The following NIN variants were observed in gnomAD, a reference collection of about 807,000 sequenced individuals.
NIN encodes the protein ninein, also known as glycogen synthase kinase 3 beta-interacting protein.
In NIN, 137 loss-of-function variants were observed where a neutral mutation model predicts 257.6. The ratio of observed to expected loss-of-function variants is 0.53; its 90% CI spans 0.46 to 0.61. NIN has a LOEUF of 0.61. Ranked by LOEUF, NIN falls within the 20% of genes least tolerant of loss-of-function variation. The probability of loss-of-function intolerance (pLI) is 0.00; values close to 1 mark genes in which losing one functional copy is unlikely to be tolerated. For synonymous variants in NIN, 918 were observed against 919.8 expected (o/e 1.00, Z 0.04); for missense variants, 2,439 against 2,501.2 (o/e 0.98, Z 0.53).
At chr14:50,799,045 G>T (rs764469384) in intron 4 of NIN, among the ~76,000 whole-genome samples, 1 of 152,148 alleles carries the variant, frequency 6.6e-6, no homozygotes, top group Non-Finnish European at 1.5e-5. Context: ...CAAAGTGCTG[G>T]GATATGGCTC....
chr14:50,808,094 A>G (rs921565824), intron 3 of NIN, among the ~76,000 whole-genome samples: 7 of 152,246 alleles, frequency 4.6e-5, no homozygotes, highest in African/African-American at 9.6e-5. Flanking sequence ...GGCTTAAAAA[A>G]TCTACGTAAT....
chr14:50,770,843 T>C lies in NIN; in HGVS notation c.1259+9A>G. On this transcript the variant is annotated intron_variant, in intron 11 of 30. Coordinates refer to ENST00000530997, the MANE Select transcript of NIN (RefSeq NM_020921.4). ...TGGGTGAGGAGGAGCCTCACTCTGC[T>C]GGCCTCACCTGAGGTTGTACTCATT... is the stretch of plus-strand genomic sequence containing the variant. 1.2e-6 allele frequency: 2 copies of C among 1,611,028 alleles called. No homozygotes were observed. Among genetic ancestry groups the C allele is most frequent in the Non-Finnish European group, 1.7e-6 (2 of 1,178,686 alleles).
intron 4 of NIN, among the ~76,000 whole-genome samples, chr14:50,794,143 T>G (rs550057843): frequency 1.3e-5 from 2 of 152,340 alleles, no homozygotes; most frequent in South Asian, 4.1e-4. Context: ...ACTTTACAGT[T>G]TCCCAGGGAG....
chr14:50,726,888 A>G (rs1276129177), intron 29 of NIN, among the ~76,000 whole-genome samples: 1 of 152,218 alleles, frequency 6.6e-6, no homozygotes, highest in Non-Finnish European at 1.5e-5. Context: ...ACTTTAAAAG[A>G]CATGCAGAAT....
chr14:50,739,814 A>G (rs2041185980), intron 25 of NIN, among the ~76,000 whole-genome samples: 1 of 152,250 alleles, frequency 6.6e-6, no homozygotes, highest in African/African-American at 2.4e-5. Flanking sequence ...TGGTGGCTTA[A>G]AAGTTGCTTC....
chr14:50,756,713 G>C lies in NIN; in HGVS notation c.4317C>G (p.Gly1439=). ...GATGCTGAAAATGTTTGTCTTGAAA[G>C]CCTAGGAGAGTAGTGTTTTCCTCCA... ...VILEENTTLL[G]FQDKHFQHQA... Residue 1439 remains glycine (G), a synonymous_variant, in exon 18 of 31, where the codon GGC becomes GGG. Coordinates refer to ENST00000530997, the MANE Select transcript of NIN (RefSeq NM_020921.4). The C allele has an allele frequency of 3.2e-6, 5 of 1,551,610 alleles. No homozygotes were observed. The highest frequency in any genetic ancestry group is 4.4e-6 in the Non-Finnish European group (5 of 1,146,990).
intron 28 of NIN, among the ~76,000 whole-genome samples, chr14:50,731,528 C>CAAAAA (rs34408175): frequency 2.1e-5 from 2 of 96,126 alleles, no homozygotes; most frequent in African/African-American, 8.4e-5. Context: ...GACTCCATCT[C>CAAAAA]AAAAAAAAAA....
intron 21 of NIN, among the ~76,000 whole-genome samples, chr14:50,749,654 A>T (rs895170185): frequency 6.6e-6 from 1 of 151,952 alleles, no homozygotes; most frequent in Non-Finnish European, 1.5e-5. Flanking sequence ...TCCCAGCTTA[A>T]ATTTTTATAT....
chr14:50,808,757 G>A (rs2044448266), intron 3 of NIN, among the ~76,000 whole-genome samples: 1 of 152,152 alleles, frequency 6.6e-6, no homozygotes, highest in South Asian at 2.1e-4. Flanking sequence ...AGCACTGCAT[G>A]TATTTTATGG....
intron 5 of NIN, among the ~76,000 whole-genome samples, chr14:50,781,987 C>A (rs1010104566): frequency 6.7e-6 from 1 of 149,892 alleles, no homozygotes; most frequent in Non-Finnish European, 1.5e-5. Context: ...AGACAATTCA[C>A]ATAAGAAGCA....
chr14:50,741,885 C>G, intron 24 of NIN, 157 bp from the exon 25 acceptor site: 1 of 662,006 alleles, frequency 1.5e-6, no homozygotes, highest in Admixed American at 2.8e-5. Flanking sequence ...AAACCTAGGA[C>G]AGTAGGTATA....
At chr14:50,771,101 C>T in intron 10 of NIN, 109 bp from the exon 11 acceptor site, 4 of 1,356,688 alleles carry the variant, frequency 2.9e-6, no homozygotes, top group Middle Eastern at 1.9e-4. Context: ...ACCAAGACAA[C>T]CAAAACCCTC....
In NIN at chr14:50,772,349, C is replaced by G. The variant is rs8020503; in HGVS notation, c.933G>C (p.Leu311=). ...CAATGCCCTCTTCCTGCCAGGTGTCCAGTATTCTCTCCACAGATGCATGGC... is the reference window on the plus strand; with the variant it reads ...CAATGCCCTCTTCCTGCCAGGTGTCGAGTATTCTCTCCACAGATGCATGGC... ...GMGHASVERI[L]DTWQEEGIEN... is the part of the protein sequence containing the mutation. The change falls in exon 9 of 31, where the codon CTG becomes CTC. Residue 311 remains leucine (L), a synonymous_variant. Coordinates refer to ENST00000530997, the MANE Select transcript of NIN (RefSeq NM_020921.4). The G allele has an allele frequency of 1, 1,611,206 of 1,613,636 alleles. 804,428 individuals carry two copies. Among genetic ancestry groups the G allele is most frequent in the East Asian group, 1 (44,881 of 44,882 alleles).
intron 12 of NIN, among the ~76,000 whole-genome samples, chr14:50,767,732 G>A (rs2042558293): frequency 6.6e-6 from 1 of 151,588 alleles, no homozygotes; most frequent in African/African-American, 2.4e-5. Flanking sequence ...CGGGAGAATG[G>A]TGTGAACCCG....
At chr14:50,782,868 G>A (rs2043189260) in intron 5 of NIN, among the ~76,000 whole-genome samples, 1 of 152,186 alleles carries the variant, frequency 6.6e-6, no homozygotes. Flanking sequence ...GGATGCCAAT[G>A]CCTCCTAAAG....
At position 50,741,622 on chromosome 14, in the gene NIN, A is replaced by G; in HGVS notation, c.5408T>C (p.Val1803Ala). ...QQEKEALKQE[V>A]MSLHKQLQNA... ...CTGAAGTTGCTTATGTAAAGACATC[A>G]CTTCTTGTTTTAAAGCCTCCTTTTC... The change falls in exon 25 of 31, where the codon GTG becomes GCG. Residue 1803 changes from valine (V) to alanine (A), a missense_variant. By Grantham distance (64) the Val-to-Ala change is moderately conservative. Coordinates refer to ENST00000530997, the MANE Select transcript of NIN (RefSeq NM_020921.4). The G allele has an allele frequency of 1.2e-6, 2 of 1,614,146 alleles. No individual in the cohort carries two copies. The highest frequency in any genetic ancestry group is 1.1e-5 in the South Asian group (1 of 91,084).
In NIN at chr14:50,772,977, C is replaced by T. The variant is rs2141828246; in HGVS notation, c.785G>A (p.Arg262Lys). Residue 262 changes from arginine to lysine, a missense_variant, in exon 8 of 31, where the codon AGA becomes AAA. Transcript: ENST00000530997. Reference sequence around the variant, plus strand: ...CATGGAAAGGTGCCTTTTTAGTTGTCTATATGGAGTAGATGCTGATGGTGT... The same window carrying T: ...CATGGAAAGGTGCCTTTTTAGTTGTTTATATGGAGTAGATGCTGATGGTGT... ...SLTPSASTPYRQLKRHLSMQS... is the reference protein window; with the variant it reads ...SLTPSASTPYKQLKRHLSMQS... 3 of 1,612,490 alleles carry T rather than the reference C, an allele frequency of 1.9e-6. No homozygotes were observed. Among genetic ancestry groups the T allele is most frequent in the Non-Finnish European group, 2.5e-6 (3 of 1,179,474 alleles).
intron 12 of NIN, among the ~76,000 whole-genome samples, chr14:50,768,916 T>C (rs1053597321): frequency 1.3e-5 from 2 of 152,130 alleles, no homozygotes; most frequent in Non-Finnish European, 2.9e-5. Flanking sequence ...AGAGTCACTT[T>C]GGAGCATCAA....
intron 2 of NIN, among the ~76,000 whole-genome samples, chr14:50,827,533 G>A (rs1426589850): frequency 6.6e-6 from 1 of 150,998 alleles, no homozygotes; most frequent in Non-Finnish European, 1.5e-5. Flanking sequence ...GGATCACAAG[G>A]TCAGGAGATC....
Sources: gnomAD v4.1 joint callset for allele counts (sites outside exome capture counted in the v4.1 genomes callset) on GRCh38, gnomAD v4.1.1 for gene constraint, MANE v1.5 for transcripts, NCBI Gene and HGNC (gene_info 2026-07-23, HGNC 2026-07-21) for gene names.